Variants in SH3GL2 observed in about 807,000 individuals in gnomAD.
The protein encoded by SH3GL2 is SH3 domain containing GRB2 like 2, endophilin A1.
A neutral mutation model predicts 46.0 loss-of-function variants in SH3GL2; 24 were observed. That is an observed-to-expected ratio of 0.52 (90% CI 0.38 to 0.73). The LOEUF (loss-of-function observed/expected upper bound fraction) is 0.73, where lower values mean the gene tolerates loss of function less well. Ranked by LOEUF, SH3GL2 falls within the 30% of genes least tolerant of loss-of-function variation. SH3GL2 has a pLI of 0.00. For synonymous variants in SH3GL2, 196 were observed against 147.1 expected (o/e 1.33, Z -2.40); for missense variants, 413 against 424.2 (o/e 0.97, Z 0.23).
chr9:17,763,862 C>A (rs192392659), intron 3 of SH3GL2, among the ~76,000 whole-genome samples: 2 of 152,274 alleles, frequency 1.3e-5, no homozygotes, highest in Non-Finnish European at 2.9e-5. Context: ...GTTGCACGAT[C>A]CTGCCTCTGA....
intron 3 of SH3GL2, among the ~76,000 whole-genome samples, chr9:17,773,120 A>G (rs954984113): frequency 6.6e-6 from 1 of 152,078 alleles, no homozygotes; most frequent in South Asian, 2.1e-4. Flanking sequence ...CTTTTTAGCC[A>G]TTTGTATGTC....
In SH3GL2 at chr9:17,579,163, C is replaced by A; in HGVS notation, c.-80C>A. 1 of 1,039,676 alleles carries A rather than the reference C, an allele frequency of 9.6e-7. No individual in the cohort carries two copies. The highest frequency in any genetic ancestry group is 1.3e-6 in the Non-Finnish European group (1 of 747,552). 64.4% of individuals were successfully genotyped at this position (1,039,676 alleles called of 1,614,324 possible). On this transcript the variant is annotated 5_prime_UTR_variant, in exon 1 of 9. Transcript: ENST00000380607. ...GCACGACCAGAGGCGGCCAGGGGAGCGCGCCGCCCCGCTCGGCCCTCCAGT... is the reference window on the plus strand; with the variant it reads ...GCACGACCAGAGGCGGCCAGGGGAGAGCGCCGCCCCGCTCGGCCCTCCAGT...
chr9:17,579,799 G>T (rs949740576), intron 1 of SH3GL2, among the ~76,000 whole-genome samples: 2 of 152,272 alleles, frequency 1.3e-5, no homozygotes, highest in African/African-American at 4.8e-5. Context: ...CTCCTTCCCC[G>T]CCGCCCGCAG....
intron 3 of SH3GL2, among the ~76,000 whole-genome samples, chr9:17,763,112 T>G (rs971140741): frequency 6.6e-6 from 1 of 152,194 alleles, no homozygotes; most frequent in African/African-American, 2.4e-5. Context: ...GTCTCATCTT[T>G]AAAAGTAACC....
chr9:17,786,154 A>T (rs2274215), intron 3 of SH3GL2, among the ~76,000 whole-genome samples: 122,763 of 151,620 alleles, frequency 0.81, 50,146 homozygotes, highest in East Asian at 0.91. Flanking sequence ...TCCAGAACAG[A>T]ATTGCTGTAA....
chr9:17,790,479 TTA>T (rs1824095302), intron 6 of SH3GL2: 1 of 939,312 alleles, frequency 1.1e-6, no homozygotes, highest in African/African-American at 1.8e-5. Context: ...AGGTTTTTGT[TTA>T]TGTAAAACAA....
In SH3GL2 at chr9:17,579,113, C is replaced by G. The variant is rs540242145; in HGVS notation, c.-130C>G. ...GCCCGTGTCCCGCTAGGCTCCGCGCCCTCGCGCCCATAGCCCCGGCGGCGG... is the reference window on the plus strand; with the variant it reads ...GCCCGTGTCCCGCTAGGCTCCGCGCGCTCGCGCCCATAGCCCCGGCGGCGG... On this transcript the variant is annotated 5_prime_UTR_variant, in exon 1 of 9. Transcript: ENST00000380607. 1 of 544,062 alleles carries G rather than the reference C, an allele frequency of 1.8e-6. No individual in the cohort carries two copies. The highest frequency in any genetic ancestry group is 4.4e-5 in the Admixed American group (1 of 22,596). The allele number at this position is 544,062 out of a possible 1,614,324, so 33.7% of individuals were successfully genotyped here.
intron 1 of SH3GL2, among the ~76,000 whole-genome samples, chr9:17,619,850 G>T (rs1819097302): frequency 6.6e-6 from 1 of 152,016 alleles, no homozygotes; most frequent in South Asian, 2.1e-4. Flanking sequence ...TTTTAATGGG[G>T]CTTTTTAATA....
intron 1 of SH3GL2, among the ~76,000 whole-genome samples, chr9:17,628,283 C>T (rs1819331566): frequency 6.6e-6 from 1 of 152,100 alleles, no homozygotes; most frequent in African/African-American, 2.4e-5. Context: ...TGTATACATG[C>T]CTTCTATCTA....
chr9:17,667,453 TTCTC>T (rs1820375019), intron 1 of SH3GL2, among the ~76,000 whole-genome samples: 1 of 152,214 alleles, frequency 6.6e-6, no homozygotes, highest in African/African-American at 2.4e-5. Flanking sequence ...TCTGGCTTCT[TTCTC>T]TTAGCATAGT....
At chr9:17,597,863 A>G (rs944828391) in intron 1 of SH3GL2, among the ~76,000 whole-genome samples, 1 of 151,978 alleles carries the variant, frequency 6.6e-6, no homozygotes, top group Non-Finnish European at 1.5e-5. Flanking sequence ...TCCCCTCTTT[A>G]TGCTCTGGTC....
chr9:17,712,104 C>T (rs377038282), intron 1 of SH3GL2, among the ~76,000 whole-genome samples: 6 of 151,728 alleles, frequency 4.0e-5, no homozygotes, highest in African/African-American at 1.4e-4. Context: ...TTTGCTATTC[C>T]TATTTTCTTT....
intron 1 of SH3GL2, among the ~76,000 whole-genome samples, chr9:17,606,180 C>T (rs2134571448): frequency 6.6e-6 from 1 of 152,244 alleles, no homozygotes; most frequent in East Asian, 1.9e-4. Context: ...GCAACCTCTG[C>T]CGCCTGGGTT....
chr9:17,714,224 T>C (rs1422853870), intron 1 of SH3GL2, among the ~76,000 whole-genome samples: 1 of 151,720 alleles, frequency 6.6e-6, no homozygotes, highest in East Asian at 1.9e-4. Context: ...ATTACCTTTT[T>C]TCCTAACCTA....
At chr9:17,726,281 C>T (rs145184232) in intron 1 of SH3GL2, among the ~76,000 whole-genome samples, 125 of 152,186 alleles carry the variant, frequency 8.2e-4, no homozygotes, top group African/African-American at 2.9e-3. Context: ...TGGGCTAATC[C>T]TTCATTGTCA....
chr9:17,603,491 G>C (rs372697220), intron 1 of SH3GL2, among the ~76,000 whole-genome samples: 1 of 152,202 alleles, frequency 6.6e-6, no homozygotes, highest in East Asian at 1.9e-4. Context: ...CTGGGGAGTT[G>C]TGTAACGGGT....
At chr9:17,671,764 T>C (rs988771553) in intron 1 of SH3GL2, among the ~76,000 whole-genome samples, 1 of 152,238 alleles carries the variant, frequency 6.6e-6, no homozygotes, top group South Asian at 2.1e-4. Context: ...GAATTAAAGC[T>C]GAAATGTAAT....
intron 1 of SH3GL2, among the ~76,000 whole-genome samples, chr9:17,624,414 T>TCCGACTGGAC (rs1819230851): frequency 6.6e-6 from 1 of 152,222 alleles, no homozygotes; most frequent in Admixed American, 6.5e-5. Context: ...TATTACTGGG[T>TCCGACTGGAC]CCAGTCTTCA....
intron 3 of SH3GL2, among the ~76,000 whole-genome samples, chr9:17,783,160 C>A (rs368840191): frequency 1.3e-5 from 2 of 152,112 alleles, no homozygotes; most frequent in South Asian, 2.1e-4. Context: ...AACAGTCTTA[C>A]AAATGAGAGA....
Sources: gnomAD v4.1 joint callset for allele counts (sites outside exome capture counted in the v4.1 genomes callset) on GRCh38, gnomAD v4.1.1 for gene constraint, MANE v1.5 for transcripts, NCBI Gene and HGNC (gene_info 2026-07-23, HGNC 2026-07-21) for gene names.